DENND5B: variants seen among roughly 807,000 people sequenced by gnomAD.
The protein encoded by DENND5B is DENN domain-containing protein 5B.
Under a neutral mutation model 140.6 loss-of-function variants are expected in DENND5B, and 34 were observed. The observed-to-expected ratio is 0.24, with a 90% CI of 0.18 to 0.32. The LOEUF is 0.32. DENND5B is among the 10% of genes least tolerant of loss of function. The probability of loss-of-function intolerance (pLI) is 1.00; values close to 1 mark genes in which losing one functional copy is unlikely to be tolerated. For synonymous variants in DENND5B, 551 were observed against 562.1 expected, an observed-to-expected ratio of 0.98 and a Z score of 0.28; for missense variants, 1,142 against 1,560.2, an observed-to-expected ratio of 0.73 and a Z score of 4.52.
intron 1 of DENND5B, among the ~76,000 whole-genome samples, chr12:31,516,704 T>C (rs996752763): frequency 1.3e-5 from 2 of 152,218 alleles, no homozygotes; most frequent in African/African-American, 4.8e-5. Flanking sequence ...ATCTGATCTA[T>C]ATATTATTTA....
intron 2 of DENND5B, among the ~76,000 whole-genome samples, chr12:31,481,501 A>C (rs771696980): frequency 2.2e-4 from 33 of 152,228 alleles, no homozygotes; most frequent in South Asian, 2.1e-4. Flanking sequence ...AATAGTAGGA[A>C]GACACACATT....
chr12:31,579,332 C>G (rs1212845373), intron 1 of DENND5B, among the ~76,000 whole-genome samples: 1 of 152,168 alleles, frequency 6.6e-6, no homozygotes, highest in Non-Finnish European at 1.5e-5. Flanking sequence ...GTTCTTACCT[C>G]CTCACACTCA....
intron 12 of DENND5B, 63 bp from the exon 13 acceptor site, chr12:31,413,627 TAA>T: frequency 6.4e-7 from 1 of 1,556,952 alleles, no homozygotes; most frequent in East Asian, 2.3e-5. Context: ...AGAAAAGAAG[TAA>T]AGAGTGAACA....
At chr12:31,585,905 G>A (rs1003039373) in intron 1 of DENND5B, among the ~76,000 whole-genome samples, 2 of 152,162 alleles carry the variant, frequency 1.3e-5, no homozygotes, top group African/African-American at 2.4e-5. Flanking sequence ...CTGAATCCAG[G>A]CTACCAAGGG....
At chr12:31,451,910 C>G in intron 5 of DENND5B, 30 bp downstream of exon 5, 2 of 1,609,320 alleles carry the variant, frequency 1.2e-6, no homozygotes, top group Non-Finnish European at 1.7e-6. Context: ...CCACTAATAA[C>G]CACAAAAGGA....
At chr12:31,421,554 T>C (rs1376105146) in intron 11 of DENND5B, among the ~76,000 whole-genome samples, 1 of 151,890 alleles carries the variant, frequency 6.6e-6, no homozygotes, top group Non-Finnish European at 1.5e-5. Flanking sequence ...TTCCTATAAA[T>C]ATACATCTTT....
chr12:31,586,652 A>G (rs1950402338), intron 1 of DENND5B, among the ~76,000 whole-genome samples: 2 of 152,194 alleles, frequency 1.3e-5, no homozygotes, highest in African/African-American at 4.8e-5. Flanking sequence ...ATAAGGTCTT[A>G]GTCTATTTAA....
At chr12:31,570,277 C>CTT (rs746678233) in intron 1 of DENND5B, among the ~76,000 whole-genome samples, 6 of 141,604 alleles carry the variant, frequency 4.2e-5, no homozygotes, top group African/African-American at 1.0e-4. Context: ...AATTCTCTCT[C>CTT]TTTTTTTTTT....
In DENND5B at chr12:31,545,950, C is replaced by CAAAAAAAAAAAAAAAAAAAAAAAAAAA. The variant is rs57460264; in HGVS notation, c.127+44755_127+44756insTTTTTTTTTTTTTTTTTTTTTTTTTTT. On this transcript the variant is annotated intron_variant, in intron 1 of 20. Coordinates refer to ENST00000389082, the MANE Select transcript of DENND5B (RefSeq NM_144973.4). ...TGGGTGAGAGAGTAAGACACTGTCT[C>CAAAAAAAAAAAAAAAAAAAAAAAAAAA]AAAAAAAAAAAAAAAAAAAAAGTGG... Among the ~76,000 whole-genome samples the CAAAAAAAAAAAAAAAAAAAAAAAAAAA allele has an allele frequency of 1.9e-4, 7 of 36,394 alleles. 1 individual carries two copies. Among genetic ancestry groups the CAAAAAAAAAAAAAAAAAAAAAAAAAAA allele is most frequent in the Non-Finnish European group, 2.2e-4 (5 of 22,680 alleles). 23.9% of individuals were successfully genotyped at this position (36,394 alleles called of 152,430 possible).
chr12:31,423,496 G>A (rs1315628664), intron 11 of DENND5B, 101 bp downstream of exon 11: 1 of 1,248,930 alleles, frequency 8.0e-7, no homozygotes, highest in East Asian at 2.4e-5. Flanking sequence ...GGCAAAATGA[G>A]TAAATTTTAG....
At chr12:31,513,263 C>T (rs1456228435) in intron 1 of DENND5B, among the ~76,000 whole-genome samples, 1 of 152,184 alleles carries the variant, frequency 6.6e-6, no homozygotes, top group African/African-American at 2.4e-5. Flanking sequence ...TTGATGTTAA[C>T]CTTGATCACT....
In DENND5B at chr12:31,384,831, A is replaced by C. The variant is rs1214479440; in HGVS notation, c.*2772T>G. The C allele has an allele frequency of 1.3e-5, 2 of 151,854 alleles. No individual in the cohort carries two copies. Among genetic ancestry groups the C allele is most frequent in the East Asian group, 3.9e-4 (2 of 5,188 alleles). The allele number at this position is 151,854 out of a possible 1,614,324, so 9.4% of individuals were successfully genotyped here. A position where few individuals can be genotyped will look rare whatever the true frequency, so the allele number is the denominator to read the frequency against. Reference sequence around the variant, plus strand: ...ACCCAGGTTGGAGTGCAGTGGCACAATCTCGGCTCACTGCAACCTCCACCT... The same window carrying C: ...ACCCAGGTTGGAGTGCAGTGGCACACTCTCGGCTCACTGCAACCTCCACCT... On this transcript the variant is annotated 3_prime_UTR_variant, in exon 21 of 21. Transcript: ENST00000389082.
intron 17 of DENND5B, 130 bp from the exon 18 acceptor site, chr12:31,392,826 T>A (rs576028356): frequency 2.3e-6 from 2 of 870,874 alleles, no homozygotes; most frequent in South Asian, 1.8e-5. Flanking sequence ...AGGGGCTCCA[T>A]AGAACTTGCC....
chr12:31,469,417 G>A (rs1945439601), intron 3 of DENND5B, among the ~76,000 whole-genome samples: 1 of 151,896 alleles, frequency 6.6e-6, no homozygotes, highest in Non-Finnish European at 1.5e-5. Context: ...TGCTGGGTAA[G>A]TCCAAGGAAA....
At chr12:31,389,534 G>T in intron 19 of DENND5B, 36 bp from the exon 20 acceptor site, 1 of 1,533,164 alleles carries the variant, frequency 6.5e-7, no homozygotes, top group Non-Finnish European at 8.8e-7. Context: ...CACAATATGT[G>T]TCAACACTTC....
intron 3 of DENND5B, among the ~76,000 whole-genome samples, chr12:31,462,933 TG>T (rs1945085423): frequency 6.7e-6 from 1 of 148,440 alleles, no homozygotes; most frequent in African/African-American, 2.5e-5. Flanking sequence ...CACTCCAGCC[TG>T]GGCAACAGTG....
rs988992931 is a variant in DENND5B, at chr12:31,506,149, G to A, written c.128-10230C>T. Among the ~76,000 whole-genome samples the A allele has an allele frequency of 2.0e-5, 3 of 152,094 alleles. No individual in the cohort carries two copies. The South Asian group carries it at 6.2e-4, about 32-fold the overall frequency. On this transcript the variant is annotated intron_variant, in intron 1 of 20. Transcript: ENST00000389082. Reference sequence around the variant, plus strand: ...TTGCCTAGACTTAGTTAAGATTTTAGTAAGAGTACATCAACATCAATCCAG... The same window carrying A: ...TTGCCTAGACTTAGTTAAGATTTTAATAAGAGTACATCAACATCAATCCAG...
chr12:31,464,417 G>A (rs1200070029), intron 3 of DENND5B, among the ~76,000 whole-genome samples: 5 of 152,104 alleles, frequency 3.3e-5, no homozygotes, highest in Admixed American at 1.3e-4. Flanking sequence ...CTATCTACAT[G>A]CTTCAACAGT....
Position 31,450,027 on chromosome 12 carries a change from A to G in DENND5B, c.1629+1913T>C, listed in dbSNP as rs150212267. ...ATTACAGGCGTGAGCCACTGTGCCC[A>G]GCCCACAGATTAGTTCTAAGCTAGA... On this transcript the variant is annotated intron_variant, in intron 5 of 20. Coordinates refer to ENST00000389082, the MANE Select transcript of DENND5B (RefSeq NM_144973.4). 1.6e-4 allele frequency among the ~76,000 whole-genome samples: 25 copies of G among 152,310 alleles called. No homozygotes were observed. The East Asian group carries it at 4.8e-3, about 29-fold the overall frequency.
Sources: allele counts gnomAD v4.1 joint callset (sites outside exome capture counted in the v4.1 genomes callset), GRCh38; gene constraint gnomAD v4.1.1; transcripts MANE v1.5; gene names NCBI Gene and HGNC (gene_info 2026-07-23, HGNC 2026-07-21).